The following GRAMD2A variants were observed in gnomAD, a reference collection of about 807,000 sequenced individuals.
The protein encoded by GRAMD2A is GRAM domain containing 2A, also known as GRAM domain-containing protein 2A.
A neutral mutation model predicts 51.1 loss-of-function variants in GRAMD2A; 37 were observed. The observed-to-expected ratio is 0.72, with a 90% confidence interval of 0.56 to 0.95. The LOEUF is 0.95. Ranked by LOEUF, GRAMD2A falls within the 40% of genes least tolerant of loss-of-function variation. GRAMD2A has a pLI of 0.00. For synonymous variants in GRAMD2A, 136 were observed against 157.1 expected (o/e 0.87, Z 1.01); for missense variants, 414 against 426.9 (o/e 0.97, Z 0.27).
chr15:72,168,421 G>T, intron 4 of GRAMD2A, 70 bp downstream of exon 4: 1 of 1,059,078 alleles, frequency 9.4e-7, no homozygotes, highest in Non-Finnish European at 1.5e-6. Context: ...TGCTTTGGAG[G>T]CTCCAGAGCA....
In GRAMD2A at chr15:72,162,284, GA is replaced by G; in HGVS notation, c.1049del (p.Val350AlafsTer29). The G allele has an allele frequency of 6.2e-7, 1 of 1,612,124 alleles. No individual in the cohort carries two copies. Among genetic ancestry groups the G allele is most frequent in the Non-Finnish European group, 8.5e-7 (1 of 1,178,164 alleles). On this transcript the variant is annotated frameshift_variant, in exon 11 of 12. Transcript: ENST00000309731. LOFTEE classifies it high-confidence loss of function. ...AGAAAAGGCCTCACCTGTGCCCAGG[GA>G]CTGGGTCATCCCAACTCAAGGAGCA... is the stretch of plus-strand genomic sequence containing the variant. Reference protein sequence around the residue: ...QLCSLSWDDPVPGHR With the variant: ...QLCSLSWDDPXPGHR
Position 72,166,652 on chromosome 15 carries a change from T to C in GRAMD2A, c.523A>G (p.Arg175Gly). ...CATACCTGTAGGTGGGTGCAGACTCTCCTCAGCAGGTCATATACACTGTCC... is the reference window on the plus strand; with the variant it reads ...CATACCTGTAGGTGGGTGCAGACTCCCCTCAGCAGGTCATATACACTGTCC... ...SRDSVYDLLR[R>G]VCTHLQPSSK... Residue 175 changes from arginine (R) to glycine (G), a missense_variant, in exon 7 of 12, where the codon AGA (arginine) becomes GGA (glycine). Physicochemically the swap from Arg to Gly is moderately radical, Grantham distance 125 (BLOSUM62 -2). Transcript: ENST00000309731. The surrounding 1 kb of genome is among the most constrained non-coding windows in gnomAD (Gnocchi z 4.1). 6.2e-7 allele frequency: 1 copy of C among 1,613,838 alleles called. No individual in the cohort carries two copies. Among genetic ancestry groups the C allele is most frequent in the Non-Finnish European group, 8.5e-7 (1 of 1,179,894 alleles).
rs60618044 is a variant in GRAMD2A, at chr15:72,176,854, C to CTTTTT, written c.42-6920_42-6916dup. The stretch of plus-strand genomic sequence containing the variant: ...GTGCACATTAGAATCACCTGCAGTG[C>CTTTTT]TTTTTTTTTTTTTTTTTTTTTTTTT... On this transcript the variant is annotated intron_variant, in intron 1 of 11. Coordinates refer to ENST00000309731, the MANE Select transcript of GRAMD2A (RefSeq NM_001012642.3). Among the ~76,000 whole-genome samples, 103 of 72,176 alleles carry CTTTTT rather than the reference C, an allele frequency of 1.4e-3. 1 individual carries two copies. The highest frequency in any genetic ancestry group is 4.5e-3 in the African/African-American group (88 of 19,374). The allele number at this position is 72,176 out of a possible 152,430, so 47.4% of individuals were successfully genotyped here.
At chr15:72,180,655 G>C (rs970982602) in intron 1 of GRAMD2A, among the ~76,000 whole-genome samples, 1 of 152,198 alleles carries the variant, frequency 6.6e-6, no homozygotes, top group African/African-American at 2.4e-5. Context: ...GCTCTTCTCA[G>C]GACCACAGGC....
chr15:72,170,963 C>G lies in GRAMD2A; in HGVS notation c.42-1024G>C, dbSNP rs919184217. Among the ~76,000 whole-genome samples, 20 of 152,328 alleles carry G rather than the reference C, an allele frequency of 1.3e-4. No homozygotes were observed. The highest frequency in any genetic ancestry group is 4.8e-4 in the African/African-American group (20 of 41,576). On this transcript the variant is annotated intron_variant, in intron 1 of 11. Transcript: ENST00000309731. The surrounding 1 kb of genome is among the most constrained non-coding windows in gnomAD (Gnocchi z 4.5). The stretch of plus-strand genomic sequence containing the variant: ...CAAGAACAGAGTTTTCGCCTCAGCC[C>G]AAGATCTGCCAGGACCCTCAGAGAT...
chr15:72,162,913 A>G, intron 10 of GRAMD2A: 1 of 251,400 alleles, frequency 4.0e-6, no homozygotes, highest in South Asian at 7.9e-5. Context: ...GGGTTCCAGA[A>G]GCTGCCCTAG....
In GRAMD2A at chr15:72,161,709, T is replaced by G; in HGVS notation, c.*300A>C. On this transcript the variant is annotated 3_prime_UTR_variant, in exon 12 of 12. Coordinates refer to ENST00000309731, the MANE Select transcript of GRAMD2A (RefSeq NM_001012642.3). ...TTTCCAAGGACCCAGTTTGTTTGTT[T>G]GTTTGTTTTCTCTAAGTGTTTGCTG... is the stretch of plus-strand genomic sequence containing the variant. 1 of 396,844 alleles carries G rather than the reference T, an allele frequency of 2.5e-6. No homozygotes were observed. Among genetic ancestry groups the G allele is most frequent in the Admixed American group, 3.8e-5 (1 of 26,188 alleles). 24.6% of individuals were successfully genotyped at this position (396,844 alleles called of 1,614,324 possible). A position where few individuals can be genotyped will look rare whatever the true frequency, so the allele number is the denominator to read the frequency against.
In GRAMD2A at chr15:72,166,012, G is replaced by A. The variant is rs1278494196; in HGVS notation, c.544-602C>T. 8.5e-5 allele frequency among the ~76,000 whole-genome samples: 13 copies of A among 152,072 alleles called. No individual in the cohort carries two copies. The highest frequency in any genetic ancestry group is 1.9e-4 in the Non-Finnish European group (13 of 68,028). On this transcript the variant is annotated intron_variant, in intron 7 of 11. Coordinates refer to ENST00000309731, the MANE Select transcript of GRAMD2A (RefSeq NM_001012642.3). This position sits in a 1 kb window ranked among gnomAD's most constrained non-coding sequence, Gnocchi z 4.1. The stretch of plus-strand genomic sequence containing the variant: ...TCCTCCCAAGTAGCTGGGATTACAG[G>A]TGCCTGCCACCACACCCGGCTAATT...
intron 8 of GRAMD2A, among the ~76,000 whole-genome samples, chr15:72,164,895 T>C (rs138587835): frequency 1.7e-3 from 254 of 152,246 alleles, no homozygotes; most frequent in African/African-American, 5.4e-3. Flanking sequence ...TCCCAGCACT[T>C]TGGGAGGCGG....
rs547584164 is a variant in GRAMD2A, at chr15:72,178,675, T to C, written c.42-8736A>G. ...ACTGCCAGCTCTGCCTCTGGGTTCG[T>C]GCCGTTCTCCTGCCTCAGCCTCCGG... On this transcript the variant is annotated intron_variant, in intron 1 of 11. Coordinates refer to ENST00000309731, the MANE Select transcript of GRAMD2A (RefSeq NM_001012642.3). Among the ~76,000 whole-genome samples, 6 of 149,920 alleles carry C rather than the reference T, an allele frequency of 4.0e-5. No individual in the cohort carries two copies. The East Asian group carries it at 6.1e-4, about 15-fold the overall frequency.
At position 72,192,137 on chromosome 15, in the gene GRAMD2A, C is replaced by T. The variant is rs560967541; in HGVS notation, c.41+5594G>A. On this transcript the variant is annotated intron_variant, in intron 1 of 11. Transcript: ENST00000309731. ...TAGCTACAATTTGCTTCAGAATAAT[C>T]CAGGAGACAGGGAGAAGGGAGGTAT... is the stretch of plus-strand genomic sequence containing the variant. 1.4e-4 allele frequency among the ~76,000 whole-genome samples: 22 copies of T among 152,198 alleles called. 1 individual carries two copies. The highest frequency in any genetic ancestry group is 5.3e-4 in the African/African-American group (22 of 41,534).
At position 72,163,661 on chromosome 15, in the gene GRAMD2A, C is replaced by T. The variant is rs544595021; in HGVS notation, c.697G>A (p.Val233Met). ...DNIPCIPPSS[V>M]DSTDSFFPSR... The stretch of plus-strand genomic sequence containing the variant: ...GGGAAGAAACTGTCTGTGGAGTCCA[C>T]GGATGATGGAGGGATACAAGGGATG... Residue 233 changes from valine (V) to methionine (M), a missense_variant, in exon 9 of 12, where the codon GTG becomes ATG. Transcript: ENST00000309731. The T allele has an allele frequency of 2.2e-5, 36 of 1,608,892 alleles. No homozygotes were observed. In the Middle Eastern group the frequency reaches 1.3e-3, roughly 59 times the overall value.
At chr15:72,175,002 C>T (rs552813847) in intron 1 of GRAMD2A, among the ~76,000 whole-genome samples, 2 of 152,108 alleles carry the variant, frequency 1.3e-5, no homozygotes, top group Non-Finnish European at 2.9e-5. Flanking sequence ...CCGAGCTTCA[C>T]CCCCTGCCAT....
In GRAMD2A at chr15:72,162,311, T is replaced by C. The variant is rs755888561; in HGVS notation, c.1023A>G (p.Leu341=). 6.2e-7 allele frequency: 1 copy of C among 1,614,020 alleles called. No homozygotes were observed. Among genetic ancestry groups the C allele is most frequent in the South Asian group, 1.1e-5 (1 of 91,072 alleles). Residue 341 remains leucine, a synonymous_variant, in exon 11 of 12, where the codon TTA becomes TTG. Coordinates refer to ENST00000309731, the MANE Select transcript of GRAMD2A (RefSeq NM_001012642.3). ...CTGGGTCATCCCAACTCAAGGAGCA[T>C]AACTGCTGCTCTAGCCGAGAAATAC... The part of the protein sequence containing the change: ...AFRISRLEQQ[L]CSLSWDDPVP...
In GRAMD2A at chr15:72,160,655, G is replaced by C. The variant is rs1456869985; in HGVS notation, c.*1354C>G. 6.6e-6 allele frequency: 1 copy of C among 152,234 alleles called. No individual in the cohort carries two copies. The highest frequency in any genetic ancestry group is 1.9e-4 in the East Asian group (1 of 5,196). The allele number at this position is 152,234 out of a possible 1,614,324, so 9.4% of individuals were successfully genotyped here. ...CACCCCATCACCAGCAACTTTCCCTGATACTTCTGGCCTCCTCACTAAGCC... is the reference window on the plus strand; with the variant it reads ...CACCCCATCACCAGCAACTTTCCCTCATACTTCTGGCCTCCTCACTAAGCC... On this transcript the variant is annotated 3_prime_UTR_variant, in exon 12 of 12. Transcript: ENST00000309731.
At chr15:72,163,142 C>T in intron 10 of GRAMD2A, 124 bp downstream of exon 10, 1 of 658,076 alleles carries the variant, frequency 1.5e-6, no homozygotes, top group Non-Finnish European at 2.6e-6. Flanking sequence ...CACCCAAGAG[C>T]TTGAATTTGA....
In GRAMD2A at chr15:72,165,425, G is replaced by C. The variant is rs754627668; in HGVS notation, c.544-15C>G. On this transcript the variant is annotated splice_polypyrimidine_tract_variant and intron_variant, in intron 7 of 11. Coordinates refer to ENST00000309731, the MANE Select transcript of GRAMD2A (RefSeq NM_001012642.3). ...TTGCTGGAAGGCTGAGGAGGAAAGG[G>C]AACAGCAGTCACTTGTCCATCTGGA... 12 of 1,613,558 alleles carry C rather than the reference G, an allele frequency of 7.4e-6. No homozygotes were observed. Among genetic ancestry groups the C allele is most frequent in the Middle Eastern group, 1.6e-4 (1 of 6,078 alleles).
intron 1 of GRAMD2A, among the ~76,000 whole-genome samples, chr15:72,176,743 C>G (rs2081655778): frequency 6.6e-6 from 1 of 151,988 alleles, no homozygotes. Flanking sequence ...AAGGTCTCTT[C>G]ACTCCACCTG....
At chr15:72,163,101 C>T (rs2081497827) in intron 10 of GRAMD2A, among the ~76,000 whole-genome samples, 165 bp downstream of exon 10, 1 of 152,206 alleles carries the variant, frequency 6.6e-6, no homozygotes, top group Non-Finnish European at 1.5e-5. Flanking sequence ...TCTCTTGCTA[C>T]AGAAGGGCGT....
Sources: allele counts gnomAD v4.1 joint callset (sites outside exome capture counted in the v4.1 genomes callset), GRCh38; gene constraint gnomAD v4.1.1; non-coding constraint Gnocchi (gnomAD v3.1); transcripts MANE v1.5; gene names NCBI Gene and HGNC (gene_info 2026-07-23, HGNC 2026-07-21).